Variants in SAMD4B observed in about 807,000 individuals in gnomAD.
The protein encoded by SAMD4B is protein Smaug homolog 2.
A neutral mutation model predicts 74.5 loss-of-function variants in SAMD4B; 5 were observed. The observed-to-expected ratio is 0.07, with a 90% CI of 0.04 to 0.14. The LOEUF (loss-of-function observed/expected upper bound fraction) is 0.14. Ranked by LOEUF, SAMD4B falls within the 10% of genes least tolerant of loss-of-function variation. The pLI, the probability that SAMD4B is intolerant of heterozygous loss-of-function variation, is 1.00. For synonymous variants in SAMD4B, 373 were observed against 374.9 expected, an observed-to-expected ratio of 1.00 and a Z score of 0.06; for missense variants, 608 against 921.8, an observed-to-expected ratio of 0.66 and a Z score of 4.41.
rs182523865 is a variant in SAMD4B, at chr19:39,356,583, T to C, written c.-205-106T>C. ...TCTTCCAGGAGCTCAGCAGAGCAAG[T>C]ACCCTGAAAGAGAAAGGCATGAGGC... On this transcript the variant is annotated intron_variant, in intron 2 of 13. Coordinates refer to ENST00000610417, the MANE Select transcript of SAMD4B (RefSeq NM_001384574.2). The C allele has an allele frequency of 3.1e-5, 7 of 222,290 alleles. No homozygotes were observed. In the East Asian group the frequency reaches 6.6e-4, roughly 21 times the overall value. The allele number at this position is 222,290 out of a possible 1,614,324, so 13.8% of individuals were successfully genotyped here.
intron 1 of SAMD4B, among the ~76,000 whole-genome samples, chr19:39,347,818 C>G (rs2075791780): frequency 6.6e-6 from 1 of 152,148 alleles, no homozygotes; most frequent in African/African-American, 2.4e-5. Context: ...TCAAATATCT[C>G]CAGCCTGCAC....
downstream of SAMD4B, chr19:39,390,404 G>C (rs2078354226): frequency 2.0e-6 from 2 of 986,506 alleles, no homozygotes; most frequent in East Asian, 5.2e-5. Context: ...TGGTTTCTTT[G>C]GGTGGTGGTG....
At chr19:39,387,349 G>C (rs1277704622), downstream of SAMD4B, 1 of 214,704 alleles carries the variant, frequency 4.7e-6, no homozygotes, top group Non-Finnish European at 1.0e-5. Flanking sequence ...ACTGAAACAT[G>C]CAGTGCATTA....
rs546571520 is a variant in SAMD4B, at chr19:39,359,565, G to A, written c.196+2476G>A. Among the ~76,000 whole-genome samples the A allele has an allele frequency of 1.3e-3, 197 of 152,180 alleles. 1 individual carries two copies. Among genetic ancestry groups the A allele is most frequent in the African/African-American group, 4.5e-3 (188 of 41,500 alleles). On this transcript the variant is annotated intron_variant, in intron 3 of 13. Transcript: ENST00000610417. ...ACCAATATGATTTGAAGATCATTCC[G>A]TATTCAGCACATACGTCTGTTTCTC...
rs754519539 is a variant in SAMD4B, at chr19:39,370,017, G to C, written c.559G>C (p.Gly187Arg). The change falls in exon 4 of 14, where the codon GGG becomes CGG. Residue 187 changes from glycine (G) to arginine (R), a missense_variant. Gly to Arg is a moderately radical substitution (Grantham distance 125). Transcript: ENST00000610417. ...GPAELGPGEA[G>R]PGWQDKPPRE... ...TGCAGAGCTAGGCCCTGGGGAGGCA[G>C]GGCCAGGCTGGCAGGACAAGCCACC... 2 of 1,612,700 alleles carry C rather than the reference G, an allele frequency of 1.2e-6. No individual in the cohort carries two copies. The highest frequency in any genetic ancestry group is 1.3e-5 in the African/African-American group (1 of 74,872).
At chr19:39,370,808 CT>C in intron 4 of SAMD4B, among the ~76,000 whole-genome samples, 1 of 152,348 alleles carries the variant, frequency 6.6e-6, no homozygotes, top group Non-Finnish European at 1.5e-5. Flanking sequence ...TTTATAGACA[CT>C]TTTCAGGTAT....
At chr19:39,350,054 T>A (rs1210253928) in intron 1 of SAMD4B, 3 of 152,214 alleles carry the variant, frequency 2.0e-5, no homozygotes, top group Non-Finnish European at 4.4e-5. Flanking sequence ...TATTCATATA[T>A]GTATGTTATA....
intron 3 of SAMD4B, among the ~76,000 whole-genome samples, chr19:39,359,154 A>G (rs2076507259): frequency 6.6e-6 from 1 of 151,806 alleles, no homozygotes; most frequent in Non-Finnish European, 1.5e-5. Context: ...TTGTGATATG[A>G]CTCTGCCTTT....
downstream of SAMD4B, chr19:39,389,454 C>G (rs1187029995): frequency 6.2e-7 from 1 of 1,613,506 alleles, no homozygotes; most frequent in East Asian, 2.2e-5. This position sits in a 1 kb window ranked among gnomAD's most constrained non-coding sequence, Gnocchi z 5.3. Flanking sequence ...GAGCCAGTCT[C>G]CAGTACCCAT....
chr19:39,352,861 G>GT (rs1568345426), intron 1 of SAMD4B, among the ~76,000 whole-genome samples: 1 of 151,186 alleles, frequency 6.6e-6, no homozygotes, highest in African/African-American at 2.4e-5. Context: ...GGATTTGGTC[G>GT]TTTTTTTGCT....
rs545844696 is a variant in SAMD4B, at chr19:39,353,633, G to A, written c.-266-373G>A. ...TGTTTTCTTTTTGAGATGGAATCCC[G>A]CTCTGTCACCCAGGCTGGAGTGCAG... On this transcript the variant is annotated intron_variant, in intron 1 of 13. Transcript: ENST00000610417. 3.9e-5 allele frequency among the ~76,000 whole-genome samples: 6 copies of A among 152,002 alleles called. No homozygotes were observed. In the East Asian group the frequency reaches 1.2e-3, roughly 29 times the overall value.
rs2077684600 is a variant in SAMD4B, at chr19:39,377,643, A to G, written c.1263A>G (p.Pro421=). 6.2e-7 allele frequency: 1 copy of G among 1,614,060 alleles called. No homozygotes were observed. The highest frequency in any genetic ancestry group is 1.3e-5 in the African/African-American group (1 of 75,060). The change falls in exon 8 of 14, where the codon CCA becomes CCG. Residue 421 remains proline (P), a synonymous_variant. Transcript: ENST00000610417. ...GGGCCCCGGGGGAACCACCGCTGCC[A>G]GGTGCTGAGCCTCCCCTAGCCCACC... The part of the protein sequence containing the change: ...KDGAPGEPPL[P]GAEPPLAHPG...
chr19:39,389,613 G>C, downstream of SAMD4B: 1 of 1,614,210 alleles, frequency 6.2e-7, no homozygotes, highest in Non-Finnish European at 8.5e-7. The surrounding 1 kb of genome is among the most constrained non-coding windows in gnomAD (Gnocchi z 5.3). Flanking sequence ...CTGACCTAGA[G>C]CAGACCCTCC....
At chr19:39,368,190 G>A (rs941103749) in intron 3 of SAMD4B, among the ~76,000 whole-genome samples, 2 of 152,026 alleles carry the variant, frequency 1.3e-5, no homozygotes, top group Admixed American at 6.6e-5. Flanking sequence ...CTCCAGCCTG[G>A]GCGACAGAGC....
intron 1 of SAMD4B, among the ~76,000 whole-genome samples, chr19:39,349,481 T>C (rs1276649339): frequency 6.6e-6 from 1 of 152,178 alleles, no homozygotes; most frequent in East Asian, 1.9e-4. Context: ...TCTCCCTCCC[T>C]TCCCCAGCAC....
At chr19:39,343,848 A>G (rs895562532) in intron 1 of SAMD4B, among the ~76,000 whole-genome samples, 1 of 151,606 alleles carries the variant, frequency 6.6e-6, no homozygotes, top group African/African-American at 2.4e-5. Flanking sequence ...GATCCCGTAG[A>G]ACTCCCCTTC....
downstream of SAMD4B, chr19:39,389,380 G>C (rs1198265493): frequency 2.5e-6 from 4 of 1,613,900 alleles, no homozygotes; most frequent in African/African-American, 5.3e-5. The surrounding 1 kb of genome is among the most constrained non-coding windows in gnomAD (Gnocchi z 5.3). Context: ...CGTGCTGCTG[G>C]GATCTGGGGT....
chr19:39,343,325 C>G (rs2075447293), intron 1 of SAMD4B, among the ~76,000 whole-genome samples: 1 of 150,818 alleles, frequency 6.6e-6, no homozygotes, highest in African/African-American at 2.4e-5. Context: ...CTGATTCCCC[C>G]TCCCAGAAGT....
In SAMD4B at chr19:39,376,381, T is replaced by C. The variant is rs1316088447; in HGVS notation, c.908-56T>C. 2.0e-5 allele frequency: 29 copies of C among 1,453,120 alleles called. No individual in the cohort carries two copies. In the Admixed American group the frequency reaches 4.8e-4, roughly 24 times the overall value. The allele number at this position is 1,453,120 out of a possible 1,614,324, so 90.0% of individuals were successfully genotyped here. ...GGGTTTATCCCCACAACTTTTCCTTTACCCTGGTAATCTGGGCCAAACTCC... is the reference window on the plus strand; with the variant it reads ...GGGTTTATCCCCACAACTTTTCCTTCACCCTGGTAATCTGGGCCAAACTCC... On this transcript the variant is annotated intron_variant, in intron 5 of 13. Transcript: ENST00000610417.
Sources: allele counts gnomAD v4.1 joint callset (sites outside exome capture counted in the v4.1 genomes callset), GRCh38; gene constraint gnomAD v4.1.1; non-coding constraint Gnocchi (gnomAD v3.1); transcripts MANE v1.5; gene names NCBI Gene and HGNC (gene_info 2026-07-23, HGNC 2026-07-21).